Variants in DLG2 observed in about 807,000 individuals in gnomAD.
DLG2 encodes discs large MAGUK scaffold protein 2.
Under a neutral mutation model 132.5 loss-of-function variants are expected in DLG2, and 45 were observed. The observed-to-expected ratio is 0.34, with a 90% CI of 0.27 to 0.44. The LOEUF is 0.44. DLG2 is among the 20% of genes least tolerant of loss of function. The pLI is 1.00. For synonymous variants in DLG2, 424 were observed against 419.6 expected, an observed-to-expected ratio of 1.01 and a Z score of -0.13; for missense variants, 1,045 against 1,196.9, an observed-to-expected ratio of 0.87 and a Z score of 1.87.
chr11:84,909,870 C>G (rs900914091), intron 6 of DLG2, among the ~76,000 whole-genome samples: 1 of 152,184 alleles, frequency 6.6e-6, no homozygotes, highest in Non-Finnish European at 1.5e-5. Flanking sequence ...TGACCATCCC[C>G]CGCATACCCA....
intron 6 of DLG2, among the ~76,000 whole-genome samples, chr11:84,595,038 A>C (rs948502201): frequency 7.2e-5 from 11 of 152,184 alleles, no homozygotes; most frequent in Non-Finnish European, 1.3e-4. Flanking sequence ...TCGTTGAAAA[A>C]ATTACAGCAG....
intron 7 of DLG2, among the ~76,000 whole-genome samples, chr11:84,264,276 G>A (rs1436704704): frequency 2.0e-5 from 3 of 152,128 alleles, no homozygotes; most frequent in Non-Finnish European, 4.4e-5. Flanking sequence ...GATCCAAAAT[G>A]CCAACCAGTT....
chr11:84,315,882 ATATC>A (rs2098348976), intron 7 of DLG2, among the ~76,000 whole-genome samples: 1 of 152,140 alleles, frequency 6.6e-6, no homozygotes, highest in Non-Finnish European at 1.5e-5. Flanking sequence ...TTTATGATCA[ATATC>A]TACTTCTCCA....
chr11:84,454,088 T>C (rs994984541), intron 7 of DLG2, among the ~76,000 whole-genome samples: 1 of 151,476 alleles, frequency 6.6e-6, no homozygotes, highest in Non-Finnish European at 1.5e-5. Context: ...AGGGAAAAAA[T>C]AATTCAGGAG....
intron 11 of DLG2, among the ~76,000 whole-genome samples, chr11:84,051,738 C>T (rs549075204): frequency 1.4e-4 from 21 of 150,648 alleles, no homozygotes; most frequent in Admixed American, 5.3e-4. Flanking sequence ...CTAACCTGCA[C>T]GTTGTGCACA....
intron 8 of DLG2, among the ~76,000 whole-genome samples, chr11:84,192,967 T>C (rs1481403990): frequency 6.6e-6 from 1 of 152,154 alleles, no homozygotes; most frequent in African/African-American, 2.4e-5. Flanking sequence ...ACTACTCTAT[T>C]GAAATGCCTG....
chr11:83,999,254 C>A (rs915042361), intron 11 of DLG2, among the ~76,000 whole-genome samples: 2 of 152,156 alleles, frequency 1.3e-5, no homozygotes, highest in African/African-American at 4.8e-5. Flanking sequence ...CAGTCTATCA[C>A]CATTGGTAGG....
chr11:84,149,793 GACATT>G (rs2095232704), intron 9 of DLG2, among the ~76,000 whole-genome samples: 1 of 151,880 alleles, frequency 6.6e-6, no homozygotes, highest in Non-Finnish European at 1.5e-5. Context: ...CCAATGCAAT[GACATT>G]GCATCTCGTG....
intron 7 of DLG2, among the ~76,000 whole-genome samples, chr11:84,508,154 CAT>C (rs1454492252): frequency 1.3e-5 from 2 of 152,300 alleles, no homozygotes; most frequent in East Asian, 1.9e-4. Context: ...ATGATACACA[CAT>C]GTGCTGCCTG....
chr11:84,465,325 T>G (rs551157118), intron 7 of DLG2, among the ~76,000 whole-genome samples: 46 of 151,294 alleles, frequency 3.0e-4, no homozygotes, highest in Admixed American at 3.0e-3. Flanking sequence ...CCAGTGGGTT[T>G]TTGTTTTTAT....
intron 19 of DLG2, chr11:83,631,715 A>C (rs1455516759): frequency 2.0e-5 from 3 of 152,128 alleles, no homozygotes; most frequent in Non-Finnish European, 4.4e-5. Context: ...TATGCATTCT[A>C]TCTCTTAATA....
intron 6 of DLG2, among the ~76,000 whole-genome samples, chr11:84,822,899 T>C (rs557795710): frequency 2.6e-5 from 4 of 151,920 alleles, no homozygotes; most frequent in Non-Finnish European, 5.9e-5. Context: ...ACTACGTGTA[T>C]AATTATCTCA....
intron 6 of DLG2, among the ~76,000 whole-genome samples, chr11:84,754,281 G>A (rs2066563401): frequency 6.6e-6 from 1 of 152,144 alleles, no homozygotes; most frequent in Admixed American, 6.5e-5. Context: ...GTGACAGGAA[G>A]GATCGGTAGA....
chr11:84,845,095 C>T (rs2081287810), intron 6 of DLG2, among the ~76,000 whole-genome samples: 1 of 152,086 alleles, frequency 6.6e-6, no homozygotes, highest in African/African-American at 2.4e-5. Context: ...TAAGGGTTAA[C>T]CACTAGAATA....
chr11:84,491,670 G>T (rs772984259), intron 7 of DLG2, among the ~76,000 whole-genome samples: 2 of 152,124 alleles, frequency 1.3e-5, no homozygotes. Context: ...GATGGTCAAA[G>T]CAAGTGGCAG....
chr11:85,070,381 T>C (rs75880558), intron 6 of DLG2, among the ~76,000 whole-genome samples: 1,694 of 151,636 alleles, frequency 0.011, 33 homozygotes, highest in African/African-American at 0.039. Flanking sequence ...CTATTCACAA[T>C]ACCACAGATA....
chr11:83,480,992 T>C (rs1012990636), intron 22 of DLG2, among the ~76,000 whole-genome samples: 1 of 152,080 alleles, frequency 6.6e-6, no homozygotes, highest in African/African-American at 2.4e-5. Context: ...AGTGAGTGAG[T>C]TGAAAATCTT....
chr11:84,031,884 G>A (rs1248805470), intron 11 of DLG2, among the ~76,000 whole-genome samples: 1 of 151,724 alleles, frequency 6.6e-6, no homozygotes, highest in African/African-American at 2.4e-5. Context: ...CATTTTTTTT[G>A]GTAATTCTCA....
intron 3 of DLG2, among the ~76,000 whole-genome samples, chr11:85,298,719 C>T (rs2079398994): frequency 6.6e-6 from 1 of 151,812 alleles, no homozygotes; most frequent in Non-Finnish European, 1.5e-5. Context: ...ACCAATGTCC[C>T]AATATGTTAA....
Sources: allele counts gnomAD v4.1 joint callset (sites outside exome capture counted in the v4.1 genomes callset), GRCh38; gene constraint gnomAD v4.1.1; transcripts MANE v1.5; gene names NCBI Gene and HGNC (gene_info 2026-07-23, HGNC 2026-07-21).